GARNL3: variants seen among roughly 807,000 people sequenced by gnomAD.
GARNL3 encodes the protein GTPase activating Rap/RanGAP domain like 3.
In GARNL3, 63 loss-of-function variants were observed where a neutral mutation model predicts 125.0. That is an observed-to-expected ratio of 0.50 (90% CI 0.41 to 0.62). GARNL3 has a LOEUF of 0.62. GARNL3 is among the 20% of genes least tolerant of loss of function. GARNL3 has a pLI of 0.00. For missense variants in GARNL3, 994 were observed against 1,244.0 expected (o/e 0.80, Z 3.02); for synonymous variants, 439 against 457.5 (o/e 0.96, Z 0.52).
At chr9:127,300,460 T>G in intron 2 of GARNL3, 4 of 416,028 alleles carry the variant, frequency 9.6e-6, no homozygotes, top group Non-Finnish European at 1.9e-5. Flanking sequence ...GCTTCTTGTT[T>G]GGGTGAATTT....
At chr9:127,376,270 T>C (rs1831903069) in intron 22 of GARNL3, among the ~76,000 whole-genome samples, 1 of 151,716 alleles carries the variant, frequency 6.6e-6, no homozygotes, top group Non-Finnish European at 1.5e-5. Flanking sequence ...TCTTAACATT[T>C]TTTTTTTGAG....
chr9:127,274,545 A>T (rs745549226), intron 1 of GARNL3, among the ~76,000 whole-genome samples: 36 of 151,988 alleles, frequency 2.4e-4, no homozygotes, highest in Non-Finnish European at 7.4e-5. Flanking sequence ...CATTCCTGTG[A>T]CACTCAAGGC....
intron 4 of GARNL3, 55 bp downstream of exon 4, chr9:127,313,614 A>G: frequency 1.8e-6 from 2 of 1,134,092 alleles, no homozygotes; most frequent in Admixed American, 3.4e-5. Context: ...TCAGGAGATA[A>G]CCCCTGTGCT....
Position 127,291,191 on chromosome 9 carries a change from A to G in GARNL3, c.168A>G (p.Gly56=). ...VELLISSDAD[G]AIQRAGRFRV... is the part of the protein sequence containing the mutation. ...AGCTTATTTCCAGTGATGCTGATGG[A>G]GCCATCCAAAGGGCTGGAAGATTCA... Residue 56 remains glycine, a synonymous_variant, in exon 2 of 28, where the codon GGA becomes GGG. Transcript: ENST00000373387. 1 of 1,614,134 alleles carries G rather than the reference A, an allele frequency of 6.2e-7. No individual in the cohort carries two copies. Among genetic ancestry groups the G allele is most frequent in the Non-Finnish European group, 8.5e-7 (1 of 1,179,986 alleles).
At chr9:127,240,909 A>C (rs1415366827) in intron 1 of GARNL3, among the ~76,000 whole-genome samples, 1 of 152,242 alleles carries the variant, frequency 6.6e-6, no homozygotes, top group Non-Finnish European at 1.5e-5. Context: ...CCCTGTCTCA[A>C]AAAAATTTTT....
intron 1 of GARNL3, among the ~76,000 whole-genome samples, chr9:127,237,474 C>T (rs867419049): frequency 6.6e-6 from 1 of 152,164 alleles, no homozygotes; most frequent in Non-Finnish European, 1.5e-5. Flanking sequence ...GAGTTGAGAA[C>T]ATTTAAGTTT....
In GARNL3 at chr9:127,354,374, T is replaced by TCTGA; in HGVS notation, c.1727_1730dup (p.Cys577Ter). The TCTGA allele has an allele frequency of 1.2e-6, 2 of 1,613,248 alleles. No individual in the cohort carries two copies. The highest frequency in any genetic ancestry group is 1.7e-6 in the Non-Finnish European group (2 of 1,179,378). On this transcript the variant is annotated frameshift_variant, in exon 19 of 28. Transcript: ENST00000373387. LOFTEE classifies it high-confidence loss of function. Reference sequence around the variant, plus strand: ...GGGGAAGCAGGCTGGGAAGAGCAGGTCTGACTGCAGAGAAAACAAGTTGGA... The same window carrying TCTGA: ...GGGGAAGCAGGCTGGGAAGAGCAGGTCTGACTGACTGCAGAGAAAACAAGTTGGA...
At chr9:127,302,947 C>T (rs879456509) in intron 2 of GARNL3, among the ~76,000 whole-genome samples, 6 of 152,088 alleles carry the variant, frequency 3.9e-5, no homozygotes, top group Admixed American at 2.6e-4. Context: ...GTCAGGAGAT[C>T]GAGACCATCC....
chr9:127,347,276 G>A (rs1364748754), intron 16 of GARNL3, among the ~76,000 whole-genome samples: 3 of 152,056 alleles, frequency 2.0e-5, no homozygotes, highest in Non-Finnish European at 2.9e-5. Context: ...AAAAAAATTA[G>A]CCGGGCATGG....
At chr9:127,326,623 C>T (rs1044310763) in intron 7 of GARNL3, among the ~76,000 whole-genome samples, 18 of 152,138 alleles carry the variant, frequency 1.2e-4, no homozygotes, top group Admixed American at 1.1e-3. Context: ...AATACACCTA[C>T]TATGCACCCA....
At chr9:127,329,463 A>G (rs539939869) in intron 7 of GARNL3, among the ~76,000 whole-genome samples, 2 of 152,104 alleles carry the variant, frequency 1.3e-5, no homozygotes, top group Non-Finnish European at 2.9e-5. Flanking sequence ...TGCTTTACAG[A>G]CTTTGCTCTT....
chr9:127,225,075 C>T (rs1415249383), intron 1 of GARNL3, among the ~76,000 whole-genome samples: 1 of 96,662 alleles, frequency 1.0e-5, no homozygotes, highest in Non-Finnish European at 2.0e-5. Flanking sequence ...CGGGGCGGGG[C>T]TTGGGCCCAG....
intron 12 of GARNL3, among the ~76,000 whole-genome samples, chr9:127,339,437 T>C (rs1028412540): frequency 6.6e-6 from 1 of 152,152 alleles, no homozygotes; most frequent in Non-Finnish European, 1.5e-5. Context: ...CAGAAACCCC[T>C]GATAGGCCTA....
chr9:127,387,737 T>C (rs1310797427), intron 25 of GARNL3, among the ~76,000 whole-genome samples: 5 of 139,740 alleles, frequency 3.6e-5, no homozygotes, highest in African/African-American at 1.4e-4. Flanking sequence ...AGCGAGACTC[T>C]GTCTACAAAA....
At chr9:127,340,277 T>C (rs960913330) in intron 13 of GARNL3, among the ~76,000 whole-genome samples, 17 of 152,118 alleles carry the variant, frequency 1.1e-4, no homozygotes, top group Non-Finnish European at 1.9e-4. Flanking sequence ...TGAGCACATA[T>C]TTTCACTCTA....
chr9:127,327,256 A>C (rs1273808999), intron 7 of GARNL3, among the ~76,000 whole-genome samples: 1 of 152,234 alleles, frequency 6.6e-6, no homozygotes, highest in Non-Finnish European at 1.5e-5. Context: ...CACGGAGCTT[A>C]CAGTCTGGTG....
At chr9:127,378,775 TTGTTTG>T (rs1462047059) in intron 22 of GARNL3, among the ~76,000 whole-genome samples, 1 of 152,048 alleles carries the variant, frequency 6.6e-6, no homozygotes, top group Non-Finnish European at 1.5e-5. Context: ...TTTTGTTTGT[TTGTTTG>T]TTTGTTTGTT....
upstream of GARNL3, chr9:127,264,240 A>G: frequency 3.0e-6 from 1 of 333,678 alleles, no homozygotes; most frequent in Non-Finnish European, 5.4e-6. Context: ...CTGTGCATTC[A>G]GGATGAAAAC....
chr9:127,237,576 A>G (rs561712777), intron 1 of GARNL3, among the ~76,000 whole-genome samples: 2 of 152,354 alleles, frequency 1.3e-5, no homozygotes, highest in Admixed American at 1.3e-4. Context: ...ATTTTTCTCC[A>G]ATCATAACAA....
Sources: gnomAD v4.1 joint callset for allele counts (sites outside exome capture counted in the v4.1 genomes callset) on GRCh38, gnomAD v4.1.1 for gene constraint, MANE v1.5 for transcripts, NCBI Gene and HGNC (gene_info 2026-07-23, HGNC 2026-07-21) for gene names.